The following MYH16 variants were observed in gnomAD, a reference collection of about 807,000 sequenced individuals.
The protein encoded by MYH16 is myosin heavy chain 16.
intron 5 of MYH16, among the ~76,000 whole-genome samples, chr7:99,250,850 C>T (rs961160586): frequency 2.0e-5 from 3 of 152,278 alleles, no homozygotes; most frequent in East Asian, 1.9e-4. Context: ...AGTGGCTGCC[C>T]GTGTCCCCAG....
intron 2 of MYH16, among the ~76,000 whole-genome samples, chr7:99,246,161 G>A (rs1791726017): frequency 6.7e-6 from 1 of 149,888 alleles, no homozygotes; most frequent in African/African-American, 2.5e-5. Flanking sequence ...AGCTATGATG[G>A]CACCACTGCA....
At chr7:99,246,352 T>C (rs980787640) in intron 2 of MYH16, among the ~76,000 whole-genome samples, 15 of 151,714 alleles carry the variant, frequency 9.9e-5, no homozygotes, top group Non-Finnish European at 2.2e-4. Context: ...CCCCAGAAAT[T>C]CTCAATAGAC....
chr7:99,251,431 C>A (rs1791807679), intron 6 of MYH16, among the ~76,000 whole-genome samples: 1 of 152,144 alleles, frequency 6.6e-6, no homozygotes, highest in Non-Finnish European at 1.5e-5. Flanking sequence ...CTCTTCCTAG[C>A]CAGTCCAATT....
chr7:99,265,911 T>C (rs1791982740), intron 17 of MYH16, among the ~76,000 whole-genome samples: 1 of 152,200 alleles, frequency 6.6e-6, no homozygotes, highest in Non-Finnish European at 1.5e-5. Context: ...CCTGCATTTC[T>C]CAGCTGCTGG....
chr7:99,275,164 T>A (rs1002803941), intron 20 of MYH16, among the ~76,000 whole-genome samples: 1 of 151,376 alleles, frequency 6.6e-6, no homozygotes, highest in African/African-American at 2.4e-5. Flanking sequence ...CAGCTAATTT[T>A]TAATTTTTGT....
chr7:99,278,643 T>C (rs1214773081), intron 21 of MYH16, among the ~76,000 whole-genome samples: 1 of 152,178 alleles, frequency 6.6e-6, no homozygotes, highest in Admixed American at 6.6e-5. Context: ...ATTTAGAGAT[T>C]TGATCAAAGT....
chr7:99,292,114 A>G (rs1308126124), intron 31 of MYH16, among the ~76,000 whole-genome samples, 198 bp from the exon 13 acceptor site: 2 of 152,272 alleles, frequency 1.3e-5, no homozygotes, highest in African/African-American at 4.8e-5. Context: ...ATGAAATTAC[A>G]TATCCTTGTG....
chr7:99,241,592 A>C (rs532157692), intron 1 of MYH16, among the ~76,000 whole-genome samples: 7 of 152,168 alleles, frequency 4.6e-5, no homozygotes, highest in Non-Finnish European at 8.8e-5. Context: ...CAGAAAAAAC[A>C]ACAAAACAAA....
intron 20 of MYH16, among the ~76,000 whole-genome samples, chr7:99,274,910 G>A (rs1244524046): frequency 6.6e-6 from 1 of 151,906 alleles, no homozygotes; most frequent in Non-Finnish European, 1.5e-5. Flanking sequence ...CTGACCTCAG[G>A]TGATCCACCC....
At chr7:99,239,959 G>T (rs914133555) in intron 1 of MYH16, among the ~76,000 whole-genome samples, 1 of 152,084 alleles carries the variant, frequency 6.6e-6, no homozygotes, top group Admixed American at 6.5e-5. Flanking sequence ...AAGACAGGAG[G>T]ATTACTTGGG....
At chr7:99,247,627 C>G (rs997158927) in exon 3 of MYH16, 2 of 190,916 alleles carry the variant, frequency 1.0e-5, no homozygotes, top group African/African-American at 2.3e-5. Flanking sequence ...GACGGTCAAC[C>G]CCTACAAGTG....
chr7:99,279,822 G>T, intron 22 of MYH16, 85 bp downstream of exon 4: 1 of 388,276 alleles, frequency 2.6e-6, no homozygotes, highest in South Asian at 1.9e-5. Context: ...GCTACACCCA[G>T]TGCCCTGACC....
rs970855698 is a variant in MYH16 at position 99,295,794 on chromosome 7, C to G, written n.4283-907C>G. ...GCTACAGTTAGCTATGATTATGCTA[C>G]TGTACTCCAGCCTGGGTGACAGAGT... is the stretch of plus-strand genomic sequence containing the variant. On this transcript the variant is annotated intron_variant and non_coding_transcript_variant, in intron 33 of 41. Transcript: ENST00000439784. Among the ~76,000 whole-genome samples, 3 of 143,416 alleles carry G rather than the reference C, an allele frequency of 2.1e-5. No individual in the cohort carries two copies. In the Admixed American group the frequency reaches 2.2e-4, roughly 11 times the overall value. The allele number at this position is 143,416 out of a possible 152,430, so 94.1% of individuals were successfully genotyped here.
chr7:99,282,402 A>G (rs1792211220), intron 23 of MYH16, among the ~76,000 whole-genome samples: 1 of 152,192 alleles, frequency 6.6e-6, no homozygotes, highest in Admixed American at 6.5e-5. Flanking sequence ...ATTAGCAAAT[A>G]TGAACCACTG....
At chr7:99,277,931 GAGAGAGAC>G (rs1554337684) in intron 21 of MYH16, among the ~76,000 whole-genome samples, 9 of 134,296 alleles carry the variant, frequency 6.7e-5, no homozygotes, top group Middle Eastern at 3.5e-3. Flanking sequence ...GAGAGAGAGA[GAGAGAGAC>G]AGACAGACAG....
At chr7:99,294,758 G>T (rs1257956289) in intron 33 of MYH16, among the ~76,000 whole-genome samples, 1 of 151,872 alleles carries the variant, frequency 6.6e-6, no homozygotes, top group Admixed American at 6.6e-5. Context: ...TAAAGACAGG[G>T]TTTCATCATG....
chr7:99,307,664 C>T (rs1367609908), downstream of MYH16, among the ~76,000 whole-genome samples: 2 of 152,038 alleles, frequency 1.3e-5, no homozygotes, highest in African/African-American at 4.8e-5. Flanking sequence ...TCTGAGGTTA[C>T]AATGATCTAG....
intron 9 of MYH16, among the ~76,000 whole-genome samples, chr7:99,256,793 TAAAC>T (rs1182994792): frequency 2.6e-5 from 4 of 151,176 alleles, no homozygotes; most frequent in Middle Eastern, 3.4e-3. Flanking sequence ...ATTAATTAAT[TAAAC>T]AAAATTAGCC....
rs556176651 is a variant in MYH16, at chr7:99,266,533, T to TA, written n.2146-315dup. On this transcript the variant is annotated intron_variant and non_coding_transcript_variant, in intron 17 of 41. Transcript: ENST00000439784. ...AAAGGGGGCTGCTCCCAGGTCATGATAAAAAACCTGTTTGCTGATGTCTGG... is the reference window on the plus strand; with the variant it reads ...AAAGGGGGCTGCTCCCAGGTCATGATAAAAAAACCTGTTTGCTGATGTCTGG... Among the ~76,000 whole-genome samples the TA allele has an allele frequency of 1.9e-4, 29 of 152,244 alleles. No individual in the cohort carries two copies. In the East Asian group the frequency reaches 3.5e-3, roughly 18 times the overall value.
Sources: allele counts gnomAD v4.1 joint callset (sites outside exome capture counted in the v4.1 genomes callset), GRCh38; gene constraint gnomAD v4.1.1; transcripts MANE v1.5; gene names NCBI Gene and HGNC (gene_info 2026-07-23, HGNC 2026-07-21).